Variants in EYA2 observed in about 807,000 individuals in gnomAD.
The protein encoded by EYA2 is protein phosphatase EYA2.
EYA2 carries 31 observed loss-of-function variants against 69.2 expected under a neutral mutation model. The ratio of observed to expected loss-of-function variants is 0.45; its 90% CI spans 0.34 to 0.60. The LOEUF (loss-of-function observed/expected upper bound fraction) is 0.60. Among genes scored for constraint, EYA2 ranks in the 20% least tolerant of loss-of-function variants. EYA2 has a pLI of 0.02. For missense variants in EYA2, 622 were observed against 701.2 expected, an observed-to-expected ratio of 0.89 and a Z score of 1.28; for synonymous variants, 257 against 279.4, an observed-to-expected ratio of 0.92 and a Z score of 0.80.
At chr20:47,077,202 C>T (rs6012108) in intron 7 of EYA2, among the ~76,000 whole-genome samples, 1 of 152,188 alleles carries the variant, frequency 6.6e-6, no homozygotes, top group Non-Finnish European at 1.5e-5. Context: ...TGGATGCCAC[C>T]TACACTATGA....
chr20:47,018,314 CATT>C (rs201735594), intron 5 of EYA2, among the ~76,000 whole-genome samples: 4,884 of 152,294 alleles, frequency 0.032, 130 homozygotes, highest in East Asian at 0.098. Flanking sequence ...TTCATTCATT[CATT>C]CATTCCGTAT....
At chr20:47,022,047 A>G (rs182642390) in intron 5 of EYA2, among the ~76,000 whole-genome samples, 4 of 152,326 alleles carry the variant, frequency 2.6e-5, no homozygotes, top group South Asian at 2.1e-4. Context: ...TCAATAGTGC[A>G]TGCCACAAAG....
chr20:47,014,266 C>G (rs1417571644), intron 4 of EYA2, among the ~76,000 whole-genome samples: 1 of 152,194 alleles, frequency 6.6e-6, no homozygotes, highest in Non-Finnish European at 1.5e-5. Context: ...GACTCACAAT[C>G]TATCTGTTTT....
intron 5 of EYA2, among the ~76,000 whole-genome samples, chr20:47,023,062 A>C (rs1279890081): frequency 6.6e-6 from 1 of 152,010 alleles, no homozygotes; most frequent in Admixed American, 6.6e-5. Flanking sequence ...AAGACACATG[A>C]ATTTTTTAAA....
intron 5 of EYA2, among the ~76,000 whole-genome samples, chr20:47,052,461 G>A (rs373563975): frequency 3.3e-5 from 5 of 152,158 alleles, no homozygotes; most frequent in African/African-American, 1.2e-4. Flanking sequence ...GTCTGTGAAC[G>A]GATTGCTCAG....
intron 10 of EYA2, among the ~76,000 whole-genome samples, chr20:47,148,405 G>C (rs541313186): frequency 6.6e-6 from 1 of 152,272 alleles, no homozygotes; most frequent in South Asian, 2.1e-4. Flanking sequence ...GTGTCCCTGG[G>C]GATAGGCAAG....
intron 15 of EYA2, among the ~76,000 whole-genome samples, chr20:47,187,146 A>G (rs2034659533): frequency 6.6e-6 from 1 of 152,160 alleles, no homozygotes; most frequent in Non-Finnish European, 1.5e-5. Flanking sequence ...AGGTGGGTGG[A>G]TCGCTTGAGC....
chr20:47,005,569 C>T (rs1982653198), intron 4 of EYA2, among the ~76,000 whole-genome samples: 1 of 152,214 alleles, frequency 6.6e-6, no homozygotes, highest in East Asian at 1.9e-4. Context: ...CCCATATTGG[C>T]CCTCATTGGC....
At chr20:46,992,874 C>T (rs945127034) in intron 2 of EYA2, among the ~76,000 whole-genome samples, 8 of 152,178 alleles carry the variant, frequency 5.3e-5, no homozygotes, top group African/African-American at 1.9e-4. Context: ...GGAGCATGAC[C>T]CCCAAGTGCT....
rs116689720 is a variant in EYA2 at position 47,045,502 on chromosome 20, G to A, written c.416-26683G>A. On this transcript the variant is annotated intron_variant, in intron 5 of 15. Coordinates refer to ENST00000327619, the MANE Select transcript of EYA2 (RefSeq NM_005244.5). ...GTATACACATACAGGGATCAGAAGA[G>A]TTCTTGACAGCCATATTTGAAGGTC... 7.0e-3 allele frequency among the ~76,000 whole-genome samples: 1,074 copies of A among 152,346 alleles called. 14 individuals carry two copies. Among genetic ancestry groups the A allele is most frequent in the African/African-American group, 0.025 (1,025 of 41,572 alleles).
chr20:47,058,319 T>C (rs1288835112), intron 5 of EYA2, among the ~76,000 whole-genome samples: 1 of 152,220 alleles, frequency 6.6e-6, no homozygotes, highest in African/African-American at 2.4e-5. Context: ...GTGTAGGATG[T>C]GGGAACCACC....
chr20:46,903,940 A>T (rs1034087039), intron 1 of EYA2, among the ~76,000 whole-genome samples: 2 of 152,234 alleles, frequency 1.3e-5, no homozygotes, highest in Non-Finnish European at 2.9e-5. Context: ...CCTCCATTCA[A>T]TGTTCAATGA....
intron 9 of EYA2, among the ~76,000 whole-genome samples, chr20:47,139,834 T>C (rs2033558094): frequency 6.6e-6 from 1 of 152,130 alleles, no homozygotes; most frequent in East Asian, 1.9e-4. Context: ...CTAATTGAGC[T>C]CTCTTTTCTC....
intron 1 of EYA2, among the ~76,000 whole-genome samples, chr20:46,911,795 G>T (rs1984656475): frequency 1.3e-5 from 2 of 152,294 alleles, no homozygotes; most frequent in South Asian, 4.1e-4. Context: ...GGCTGGAAAG[G>T]TGGGGGTGAT....
intron 9 of EYA2, among the ~76,000 whole-genome samples, chr20:47,120,781 C>T (rs80100964): frequency 3.9e-5 from 6 of 152,046 alleles, no homozygotes; most frequent in South Asian, 4.2e-4. Flanking sequence ...CTGGAAGGAA[C>T]GCACACGGTC....
At chr20:47,040,738 G>A (rs993290927) in intron 5 of EYA2, among the ~76,000 whole-genome samples, 2 of 152,168 alleles carry the variant, frequency 1.3e-5, no homozygotes, top group Non-Finnish European at 2.9e-5. Flanking sequence ...AGAAGCTTGG[G>A]TCTCAGCTCA....
rs117934742 is a variant in EYA2 at position 46,937,593 on chromosome 20, G to C, written c.-11+42606G>C. 1.6e-3 allele frequency among the ~76,000 whole-genome samples: 246 copies of C among 149,368 alleles called. 1 individual carries two copies. The East Asian group carries it at 0.037, about 23-fold the overall frequency. On this transcript the variant is annotated intron_variant, in intron 1 of 15. Transcript: ENST00000327619. ...TTGCAACAGAAACCTATAATTGTCT[G>C]TTTCTCCTTGGTTTTCTGGGTTGAG...
chr20:47,097,581 T>G (rs2032290314), intron 9 of EYA2, among the ~76,000 whole-genome samples: 1 of 152,212 alleles, frequency 6.6e-6, no homozygotes, highest in Admixed American at 6.5e-5. Flanking sequence ...TCCTTCTGTT[T>G]TTTTGAGACA....
At chr20:47,111,260 G>A (rs1340969908) in intron 9 of EYA2, among the ~76,000 whole-genome samples, 2 of 152,182 alleles carry the variant, frequency 1.3e-5, no homozygotes, top group Non-Finnish European at 2.9e-5. Context: ...AAAACAAAAG[G>A]CATGAGAAGT....
Sources: gnomAD v4.1 joint callset for allele counts (sites outside exome capture counted in the v4.1 genomes callset) on GRCh38, gnomAD v4.1.1 for gene constraint, MANE v1.5 for transcripts, NCBI Gene and HGNC (gene_info 2026-07-23, HGNC 2026-07-21) for gene names.